Variants in ARID4B observed in about 807,000 individuals in gnomAD.
The protein encoded by ARID4B is AT-rich interaction domain 4B.
In ARID4B, 26 loss-of-function variants were observed where a neutral mutation model predicts 147.5. The ratio of observed to expected loss-of-function variants is 0.18; its 90% CI spans 0.13 to 0.24. The LOEUF (loss-of-function observed/expected upper bound fraction) is 0.24, where lower values mean the gene tolerates loss of function less well. Ranked by LOEUF, ARID4B falls within the 10% of genes least tolerant of loss-of-function variation. ARID4B has a pLI of 1.00. For missense variants in ARID4B, 1,179 were observed against 1,511.5 expected, an observed-to-expected ratio of 0.78 and a Z score of 3.65; for synonymous variants, 512 against 507.9, an observed-to-expected ratio of 1.01 and a Z score of -0.11.
chr1:235,250,548 T>G (rs767883536), intron 6 of ARID4B, among the ~76,000 whole-genome samples: 4 of 152,208 alleles, frequency 2.6e-5, no homozygotes, highest in African/African-American at 4.8e-5. Flanking sequence ...GTTCCATGTT[T>G]ACATGGCTTG....
chr1:235,181,775 T>C lies in ARID4B; in HGVS notation c.3144A>G (p.Ser1048=), dbSNP rs757581152. ...GSRQQSSVTV[S]EPLAPNQEEV... is the part of the protein sequence containing the mutation. Reference sequence around the variant, plus strand: ...CTTCTTGGTTTGGAGCCAGTGGTTCTGATACTGTTACAGAAGACTGCTGCC... The same window carrying C: ...CTTCTTGGTTTGGAGCCAGTGGTTCCGATACTGTTACAGAAGACTGCTGCC... The change falls in exon 20 of 24, where the codon TCA becomes TCG. Residue 1048 remains serine, a synonymous_variant. Coordinates refer to ENST00000264183, the MANE Select transcript of ARID4B (RefSeq NM_016374.6). 5.6e-6 allele frequency: 9 copies of C among 1,614,216 alleles called. No individual in the cohort carries two copies. Among genetic ancestry groups the C allele is most frequent in the Non-Finnish European group, 7.6e-6 (9 of 1,180,034 alleles).
intron 22 of ARID4B, 48 bp downstream of exon 22, chr1:235,175,131 AAAGAG>A (rs1359628416): frequency 6.0e-6 from 9 of 1,496,812 alleles, no homozygotes; most frequent in Non-Finnish European, 8.3e-6. Context: ...AATAAAACAA[AAAGAG>A]TTACTAGGAT....
intron 17 of ARID4B, among the ~76,000 whole-genome samples, chr1:235,198,726 T>A (rs1163309783): frequency 6.6e-6 from 1 of 152,132 alleles, no homozygotes; most frequent in African/African-American, 2.4e-5. Context: ...AAAAATAAAT[T>A]CTTAAATTAG....
intron 5 of ARID4B, among the ~76,000 whole-genome samples, chr1:235,254,821 T>C (rs778476023): frequency 6.6e-6 from 1 of 151,898 alleles, no homozygotes; most frequent in Non-Finnish European, 1.5e-5. Flanking sequence ...TCAATAAACA[T>C]ATGAAAAGAT....
chr1:235,239,519 A>G (rs939362797), intron 8 of ARID4B, among the ~76,000 whole-genome samples: 2 of 152,204 alleles, frequency 1.3e-5, no homozygotes, highest in African/African-American at 2.4e-5. Flanking sequence ...TCCGTGAAAG[A>G]TATTAGTATA....
intron 9 of ARID4B, among the ~76,000 whole-genome samples, chr1:235,233,379 G>A (rs1010052104): frequency 1.3e-5 from 2 of 152,098 alleles, no homozygotes; most frequent in Non-Finnish European, 2.9e-5. Flanking sequence ...GCTGCAGTGA[G>A]CCATGATCAT....
chr1:235,207,623 T>C (rs1192369305), intron 17 of ARID4B, among the ~76,000 whole-genome samples: 5 of 152,198 alleles, frequency 3.3e-5, no homozygotes, highest in Admixed American at 1.3e-4. Context: ...ATTATTATTA[T>C]GAATTCCTTA....
intron 2 of ARID4B, among the ~76,000 whole-genome samples, chr1:235,313,227 A>C (rs1198115248): frequency 6.6e-6 from 1 of 152,106 alleles, no homozygotes; most frequent in African/African-American, 2.4e-5. Context: ...ACAAGGTTTC[A>C]CCATGTTGGC....
At chr1:235,275,491 G>C (rs1299181786) in intron 2 of ARID4B, among the ~76,000 whole-genome samples, 1 of 152,180 alleles carries the variant, frequency 6.6e-6, no homozygotes, top group Non-Finnish European at 1.5e-5. Context: ...TGGGTTCTCT[G>C]AGTGACTGAG....
chr1:235,258,653 GTA>G (rs947010195), intron 3 of ARID4B, among the ~76,000 whole-genome samples: 21 of 152,310 alleles, frequency 1.4e-4, no homozygotes, highest in African/African-American at 4.8e-4. Flanking sequence ...TCTTTATCAG[GTA>G]TATGTGATAA....
chr1:235,265,043 A>G (rs1558259598), intron 2 of ARID4B, among the ~76,000 whole-genome samples: 1 of 140,316 alleles, frequency 7.1e-6, no homozygotes, highest in Non-Finnish European at 1.5e-5. Flanking sequence ...CTGGGCAACA[A>G]GAGTGAAACT....
At chr1:235,310,553 A>G (rs1281404956) in intron 2 of ARID4B, among the ~76,000 whole-genome samples, 1 of 152,254 alleles carries the variant, frequency 6.6e-6, no homozygotes, top group East Asian at 1.9e-4. Flanking sequence ...TGGAACTTTA[A>G]AAACGTAATG....
chr1:235,232,144 G>GT (rs995869001), intron 9 of ARID4B, among the ~76,000 whole-genome samples: 57 of 152,276 alleles, frequency 3.7e-4, no homozygotes, highest in Non-Finnish European at 1.6e-4. Context: ...GTTGAGCTGA[G>GT]TGCAGTGGTT....
At chr1:235,283,927 G>A (rs1671816172) in intron 2 of ARID4B, among the ~76,000 whole-genome samples, 1 of 152,008 alleles carries the variant, frequency 6.6e-6, no homozygotes, top group Non-Finnish European at 1.5e-5. Flanking sequence ...AGTAGAGACG[G>A]GGTTTCGATA....
intron 17 of ARID4B, among the ~76,000 whole-genome samples, chr1:235,210,619 C>A (rs866613418): frequency 6.6e-6 from 1 of 152,252 alleles, no homozygotes. Flanking sequence ...TACTGAAGTA[C>A]ATTTGTTTTC....
intron 17 of ARID4B, among the ~76,000 whole-genome samples, chr1:235,204,501 T>A (rs1666178118): frequency 6.6e-6 from 1 of 152,120 alleles, no homozygotes; most frequent in African/African-American, 2.4e-5. Flanking sequence ...AGAGTTGACA[T>A]AAACAGCTCA....
chr1:235,265,780 C>A (rs1253627685), intron 2 of ARID4B, among the ~76,000 whole-genome samples: 1 of 152,058 alleles, frequency 6.6e-6, no homozygotes, highest in Non-Finnish European at 1.5e-5. Flanking sequence ...AGTGAGGTGA[C>A]CTTGGGCTAA....
At chr1:235,265,837 G>A (rs1405824219) in intron 2 of ARID4B, among the ~76,000 whole-genome samples, 4 of 152,142 alleles carry the variant, frequency 2.6e-5, no homozygotes, top group Non-Finnish European at 5.9e-5. Context: ...TCTGTCACAA[G>A]GATGAGGAGT....
chr1:235,249,732 G>C (rs1298896960), intron 6 of ARID4B, among the ~76,000 whole-genome samples: 1 of 151,802 alleles, frequency 6.6e-6, no homozygotes, highest in African/African-American at 2.4e-5. Context: ...ACGAGGTCAA[G>C]AGATCGAGGT....
Sources: gnomAD v4.1 joint callset for allele counts (sites outside exome capture counted in the v4.1 genomes callset) on GRCh38, gnomAD v4.1.1 for gene constraint, MANE v1.5 for transcripts, NCBI Gene and HGNC (gene_info 2026-07-23, HGNC 2026-07-21) for gene names.